The following CGGBP1 variants were observed in gnomAD, a reference collection of about 807,000 sequenced individuals.
CGGBP1 encodes the protein CGG triplet repeat binding protein 1, also known as CGG triplet repeat-binding protein 1.
CGGBP1 carries 4 observed loss-of-function variants against 11.4 expected under a neutral mutation model. The observed-to-expected ratio is 0.35, with a 90% CI of 0.17 to 0.80. The LOEUF (loss-of-function observed/expected upper bound fraction) is 0.80, where lower values mean the gene tolerates loss of function less well. Among genes scored for constraint, CGGBP1 ranks in the 30% least tolerant of loss-of-function variants. CGGBP1 has a pLI of 0.52. For missense variants in CGGBP1, 135 were observed against 202.1 expected, an observed-to-expected ratio of 0.67 and a Z score of 2.01; for synonymous variants, 76 against 74.1, an observed-to-expected ratio of 1.03 and a Z score of -0.13.
At chr3:88,063,906 G>T (rs1349187583), upstream of CGGBP1, among the ~76,000 whole-genome samples, 1 of 152,090 alleles carries the variant, frequency 6.6e-6, no homozygotes, top group African/African-American at 2.4e-5. Flanking sequence ...CCAGTGGCAG[G>T]AGCTGGTTGT....
intron 1 of CGGBP1, among the ~76,000 whole-genome samples, chr3:88,148,323 G>A (rs1334629698): frequency 6.6e-6 from 1 of 152,122 alleles, no homozygotes; most frequent in African/African-American, 2.4e-5. Context: ...GCAAGTAGGT[G>A]CTCAATTATA....
chr3:88,057,744 G>T (rs1210432844), intron 2 of CGGBP1: 1 of 152,192 alleles, frequency 6.6e-6, no homozygotes. Flanking sequence ...AGCATAAAAT[G>T]CTCAATCATT....
intron 2 of CGGBP1, among the ~76,000 whole-genome samples, chr3:88,092,933 A>T (rs1403160179): frequency 6.6e-6 from 1 of 152,176 alleles, no homozygotes; most frequent in Non-Finnish European, 1.5e-5. Context: ...AGGAAAGTGG[A>T]TTCTGCTTTT....
intron 2 of CGGBP1, among the ~76,000 whole-genome samples, chr3:88,131,459 G>T (rs1271588465): frequency 6.6e-6 from 1 of 152,062 alleles, no homozygotes; most frequent in Non-Finnish European, 1.5e-5. Flanking sequence ...TTTAAACAGG[G>T]TATCTTTAGT....
chr3:88,117,357 A>G (rs970238557), intron 2 of CGGBP1, among the ~76,000 whole-genome samples: 4 of 152,200 alleles, frequency 2.6e-5, no homozygotes, highest in African/African-American at 7.2e-5. Flanking sequence ...CAGGCTGGCA[A>G]TAAAATTCTC....
At chr3:88,149,258 C>T (rs184880269) in intron 1 of CGGBP1, among the ~76,000 whole-genome samples, 2 of 152,306 alleles carry the variant, frequency 1.3e-5, no homozygotes, top group Admixed American at 1.3e-4. Context: ...AGATCCACTT[C>T]CATTGGAAAC....
chr3:88,146,749 T>A (rs915213608), intron 1 of CGGBP1, among the ~76,000 whole-genome samples: 5 of 152,204 alleles, frequency 3.3e-5, no homozygotes, highest in South Asian at 2.1e-4. Context: ...GTTCACCTTT[T>A]TGCCTGTCCC....
At chr3:88,073,194 C>A (rs1204249187) in intron 2 of CGGBP1, among the ~76,000 whole-genome samples, 1 of 152,088 alleles carries the variant, frequency 6.6e-6, no homozygotes, top group African/African-American at 2.4e-5. Flanking sequence ...TCCACCCAGA[C>A]GTACAGAATC....
chr3:88,099,745 T>C (rs1389504247), intron 2 of CGGBP1, among the ~76,000 whole-genome samples: 1 of 152,172 alleles, frequency 6.6e-6, no homozygotes, highest in Non-Finnish European at 1.5e-5. Context: ...ATTTAATAAA[T>C]GGTGCCAGGA....
chr3:88,088,440 G>C (rs990257504), intron 2 of CGGBP1, among the ~76,000 whole-genome samples: 2 of 151,986 alleles, frequency 1.3e-5, no homozygotes, highest in Non-Finnish European at 2.9e-5. Context: ...GAGAAGTTAC[G>C]TACAACATTA....
chr3:88,077,688 ATACT>A (rs369281764), intron 2 of CGGBP1, among the ~76,000 whole-genome samples: 813 of 56,010 alleles, frequency 0.015, 5 homozygotes, highest in African/African-American at 0.027. Flanking sequence ...ACATGCTGTA[ATACT>A]TACTATTTTT....
At chr3:88,085,346 A>G (rs552204848) in intron 2 of CGGBP1, among the ~76,000 whole-genome samples, 1 of 152,340 alleles carries the variant, frequency 6.6e-6, no homozygotes, top group Non-Finnish European at 1.5e-5. Flanking sequence ...AAATGGATGA[A>G]CCTGGTTGTG....
At chr3:88,135,077 T>C in intron 2 of CGGBP1, 1 of 1,436,866 alleles carries the variant, frequency 7.0e-7, no homozygotes. Context: ...GATTTTCATA[T>C]GGAGTAAACT....
chr3:88,144,041 C>A (rs1476036259), intron 1 of CGGBP1: 1 of 152,124 alleles, frequency 6.6e-6, no homozygotes, highest in Non-Finnish European at 1.5e-5. Context: ...CTACATGGAC[C>A]AAGTTTCAAA....
At chr3:88,060,403 C>T (rs550161800), upstream of CGGBP1, among the ~76,000 whole-genome samples, 4 of 152,298 alleles carry the variant, frequency 2.6e-5, no homozygotes, top group East Asian at 7.7e-4. Context: ...GTGTACTCTG[C>T]ATTCTCATCT....
intron 2 of CGGBP1, among the ~76,000 whole-genome samples, chr3:88,128,532 AAG>A (rs1434288364): frequency 6.6e-6 from 1 of 151,888 alleles, no homozygotes; most frequent in African/African-American, 2.4e-5. Flanking sequence ...GAACTGAAAG[AAG>A]AAAAAAAATT....
rs1315511304 is a variant in CGGBP1, at chr3:88,054,558, T to A, written c.*915A>T. ...AAACTCATAAAGTTGTAGAGAAAAA[T>A]TAATGAATAGAAAGTAATTTTATCT... On this transcript the variant is annotated 3_prime_UTR_variant, in exon 4 of 4. Transcript: ENST00000482016. 2.6e-5 allele frequency: 4 copies of A among 152,126 alleles called. No homozygotes were observed. The highest frequency in any genetic ancestry group is 5.9e-5 in the Non-Finnish European group (4 of 68,006). The allele number at this position is 152,126 out of a possible 1,614,324, so 9.4% of individuals were successfully genotyped here. A position where few individuals can be genotyped will look rare whatever the true frequency, so the allele number is the denominator to read the frequency against.
chr3:88,106,852 T>C (rs1704772996), intron 2 of CGGBP1, among the ~76,000 whole-genome samples: 1 of 152,220 alleles, frequency 6.6e-6, no homozygotes, highest in Non-Finnish European at 1.5e-5. Context: ...AACATTTGGC[T>C]GTCCAGTATG....
In CGGBP1 at chr3:88,076,657, AT is replaced by A. The variant is rs75545362; in HGVS notation, c.-228-18435del. On this transcript the variant is annotated intron_variant, in intron 2 of 3. Transcript: ENST00000462901. ...TAGAGTTGGTGTTTGTTCATCTGTT[AT>A]TTTAATTTGATCTTCATGTACTTCT... Among the ~76,000 whole-genome samples, 436 of 152,256 alleles carry A rather than the reference AT, an allele frequency of 2.9e-3. 11 individuals carry two copies. The East Asian group carries it at 0.039, about 14-fold the overall frequency.
Sources: gnomAD v4.1 joint callset for allele counts (sites outside exome capture counted in the v4.1 genomes callset) on GRCh38, gnomAD v4.1.1 for gene constraint, MANE v1.5 for transcripts, NCBI Gene and HGNC (gene_info 2026-07-23, HGNC 2026-07-21) for gene names.